The following WDPCP variants were observed in gnomAD, a reference collection of about 807,000 sequenced individuals.
WDPCP encodes the protein WD repeat containing planar cell polarity effector.
Under a neutral mutation model 93.1 loss-of-function variants are expected in WDPCP, and 71 were observed. The ratio of observed to expected loss-of-function variants is 0.76; its 90% CI spans 0.63 to 0.93. The LOEUF (loss-of-function observed/expected upper bound fraction) is 0.93. Among genes scored for constraint, WDPCP ranks in the 40% least tolerant of loss-of-function variants. The pLI, the probability that WDPCP is intolerant of heterozygous loss-of-function variation, is 0.00. For missense variants in WDPCP, 844 were observed against 887.4 expected, an observed-to-expected ratio of 0.95 and a Z score of 0.62; for synonymous variants, 315 against 315.0, an observed-to-expected ratio of 1.00 and a Z score of 0.00.
At chr2:63,527,838 A>G (rs1386401605) in intron 1 of WDPCP, among the ~76,000 whole-genome samples, 1 of 152,114 alleles carries the variant, frequency 6.6e-6, no homozygotes, top group Non-Finnish European at 1.5e-5. Context: ...TCCCACCAAC[A>G]GTGTAAAAGC....
chr2:63,384,189 A>G (rs1692543651), intron 10 of WDPCP, among the ~76,000 whole-genome samples: 1 of 152,152 alleles, frequency 6.6e-6, no homozygotes, highest in Non-Finnish European at 1.5e-5. Context: ...GTAAATAGTA[A>G]ATAACAAATA....
chr2:63,357,518 G>A (rs932467919), intron 12 of WDPCP, among the ~76,000 whole-genome samples: 2 of 152,058 alleles, frequency 1.3e-5, no homozygotes, highest in Non-Finnish European at 2.9e-5. Context: ...AAAAAGCTCA[G>A]TATCACTGAT....
chr2:63,456,902 C>G (rs1698662833), intron 6 of WDPCP, among the ~76,000 whole-genome samples: 1 of 152,042 alleles, frequency 6.6e-6, no homozygotes, highest in Admixed American at 6.5e-5. Context: ...ATCCCAGCTA[C>G]TAGGGAGGCT....
chr2:63,126,513 T>TACTG (rs1045477410), intron 17 of WDPCP, among the ~76,000 whole-genome samples: 1 of 152,174 alleles, frequency 6.6e-6, no homozygotes, highest in Non-Finnish European at 1.5e-5. Context: ...TTGCTTATAA[T>TACTG]ACTGCATTCT....
At chr2:63,783,555 T>C (rs1670426411) in intron 2 of WDPCP, among the ~76,000 whole-genome samples, 2 of 152,210 alleles carry the variant, frequency 1.3e-5, no homozygotes, top group African/African-American at 4.8e-5. Context: ...ATAAAAAAAG[T>C]ATAAGTATAT....
At chr2:63,589,790 G>T (rs941687839), upstream of WDPCP, among the ~76,000 whole-genome samples, 1 of 152,186 alleles carries the variant, frequency 6.6e-6, no homozygotes, top group African/African-American at 2.4e-5. Flanking sequence ...GAGAGGGGGA[G>T]GGGGAGAGTT....
chr2:63,569,985 G>T (rs981659568), intron 1 of WDPCP, among the ~76,000 whole-genome samples: 12 of 152,176 alleles, frequency 7.9e-5, no homozygotes, highest in Non-Finnish European at 1.3e-4. Context: ...GGATGTGGTT[G>T]AATGACTGGC....
At chr2:63,536,964 C>T (rs948111566) in intron 1 of WDPCP, among the ~76,000 whole-genome samples, 1 of 151,850 alleles carries the variant, frequency 6.6e-6, no homozygotes, top group South Asian at 2.1e-4. Flanking sequence ...GATGGGGTTT[C>T]GCCATGTTGG....
intron 13 of WDPCP, among the ~76,000 whole-genome samples, chr2:63,272,634 T>A (rs1682752576): frequency 6.6e-6 from 1 of 152,170 alleles, no homozygotes; most frequent in South Asian, 2.1e-4. Flanking sequence ...AACAGAGATA[T>A]CATTTAAAAA....
chr2:63,703,508 C>T (rs1299609132), intron 2 of WDPCP, among the ~76,000 whole-genome samples: 4 of 152,236 alleles, frequency 2.6e-5, no homozygotes, highest in African/African-American at 4.8e-5. Flanking sequence ...TTTTTGGCTG[C>T]GTAAATGTCT....
rs1433386763 is a variant in WDPCP at position 63,602,012 on chromosome 2, C to G, written n.488+48647G>C. ...ACCCTATCCCACAGGCTAAGCAGAT[C>G]AATAGCTGGGTACCCCAGAAACCCA... On this transcript the variant is annotated intron_variant and non_coding_transcript_variant, in intron 3 of 4. Coordinates refer to the WDPCP transcript ENST00000467687. 5.9e-5 allele frequency among the ~76,000 whole-genome samples: 9 copies of G among 152,316 alleles called. No homozygotes were observed. In the South Asian group the frequency reaches 1.9e-3, roughly 32 times the overall value.
intron 1 of WDPCP, among the ~76,000 whole-genome samples, chr2:63,584,464 G>A (rs557268758): frequency 6.6e-6 from 1 of 152,036 alleles, no homozygotes; most frequent in Non-Finnish European, 1.5e-5. Context: ...ATGTTGGTGT[G>A]TAGCTATATT....
At chr2:63,459,699 G>A (rs775649669) in intron 6 of WDPCP, among the ~76,000 whole-genome samples, 7 of 152,028 alleles carry the variant, frequency 4.6e-5, no homozygotes, top group African/African-American at 4.8e-5. Context: ...GCAGATCACC[G>A]GAGCTCAGGA....
chr2:63,387,395 A>C (rs764442399), intron 10 of WDPCP, among the ~76,000 whole-genome samples: 1 of 152,178 alleles, frequency 6.6e-6, no homozygotes, highest in Non-Finnish European at 1.5e-5. Context: ...CAATCGTCTC[A>C]ATAGACACAG....
intron 17 of WDPCP, among the ~76,000 whole-genome samples, chr2:63,129,606 T>C (rs1169581333): frequency 6.6e-6 from 1 of 152,260 alleles, no homozygotes; most frequent in Non-Finnish European, 1.5e-5. Flanking sequence ...TGTCCATTTG[T>C]ATATCTTGGA....
intron 2 of WDPCP, among the ~76,000 whole-genome samples, chr2:63,751,219 TTTAAG>T (rs1190304434): frequency 6.6e-6 from 1 of 152,204 alleles, no homozygotes; most frequent in Non-Finnish European, 1.5e-5. Flanking sequence ...ATCCATTTTA[TTTAAG>T]TTGTCATATT....
intron 12 of WDPCP, among the ~76,000 whole-genome samples, chr2:63,318,773 T>A (rs147323409): frequency 9.9e-5 from 15 of 150,818 alleles, no homozygotes; most frequent in Non-Finnish European, 2.1e-4. Context: ...GAGGCTGGAG[T>A]GTGGGAGGAG....
intron 13 of WDPCP, among the ~76,000 whole-genome samples, chr2:63,292,132 CAAAAAAAAAA>C (rs58370764): frequency 1.6e-3 from 130 of 83,394 alleles, no homozygotes; most frequent in Non-Finnish European, 2.6e-3. Context: ...GACTCCGGCT[CAAAAAAAAAA>C]AAAAAAAAAG....
intron 6 of WDPCP, among the ~76,000 whole-genome samples, chr2:63,473,980 C>T (rs1273168671): frequency 5.9e-5 from 9 of 151,972 alleles, no homozygotes; most frequent in African/African-American, 2.2e-4. Flanking sequence ...GTAATTAATC[C>T]TTATTCCTGT....
Sources: gnomAD v4.1 joint callset for allele counts (sites outside exome capture counted in the v4.1 genomes callset) on GRCh38, gnomAD v4.1.1 for gene constraint, MANE v1.5 for transcripts, NCBI Gene and HGNC (gene_info 2026-07-23, HGNC 2026-07-21) for gene names.